CDC5L: variants seen among roughly 807,000 people sequenced by gnomAD.
CDC5L encodes the protein cell division cycle 5 like.
Under a neutral mutation model 104.1 loss-of-function variants are expected in CDC5L, and 18 were observed. The ratio of observed to expected loss-of-function variants is 0.17; its 90% CI spans 0.12 to 0.26. CDC5L has a LOEUF of 0.26. Among genes scored for constraint, CDC5L ranks in the 10% least tolerant of loss-of-function variants. The pLI is 1.00. For missense variants in CDC5L, 673 were observed against 956.9 expected (o/e 0.70, Z 3.91); for synonymous variants, 331 against 322.7 (o/e 1.03, Z -0.28).
intron 15 of CDC5L, 139 bp downstream of exon 15, chr6:44,446,006 G>A (rs1793435661): frequency 7.4e-6 from 5 of 676,960 alleles, no homozygotes. Flanking sequence ...TAAAGTGTTT[G>A]ACTTTCTAAT....
At chr6:44,423,003 C>T (rs556824958) in intron 10 of CDC5L, among the ~76,000 whole-genome samples, 194 bp downstream of exon 10, 2 of 152,210 alleles carry the variant, frequency 1.3e-5, no homozygotes, top group African/African-American at 2.4e-5. Flanking sequence ...TTTCTTTATG[C>T]TTACTAGGTT....
At chr6:44,420,713 C>T (rs902530031) in intron 9 of CDC5L, among the ~76,000 whole-genome samples, 1 of 152,152 alleles carries the variant, frequency 6.6e-6, no homozygotes, top group African/African-American at 2.4e-5. Context: ...CTCATTGAAA[C>T]GTTTCAGATT....
intron 10 of CDC5L, among the ~76,000 whole-genome samples, chr6:44,423,431 AT>A (rs1485909585): frequency 4.6e-5 from 7 of 152,212 alleles, no homozygotes; most frequent in African/African-American, 1.4e-4. Context: ...TTCTGGGGAG[AT>A]TGACAGTACT....
chr6:44,387,964 TG>T, intron 1 of CDC5L, 96 bp downstream of exon 1: 1 of 1,161,266 alleles, frequency 8.6e-7, no homozygotes. Context: ...GGAGACCCTG[TG>T]GGGTCTGCGT....
chr6:44,409,778 T>G (rs1791545767), intron 8 of CDC5L, among the ~76,000 whole-genome samples: 2 of 152,208 alleles, frequency 1.3e-5, no homozygotes, highest in Admixed American at 6.5e-5. Flanking sequence ...TAGCTTGTTC[T>G]TTTGATTTCC....
chr6:44,399,695 C>A (rs552860292), intron 5 of CDC5L, among the ~76,000 whole-genome samples: 1 of 152,308 alleles, frequency 6.6e-6, no homozygotes. Context: ...TGCTCTGTTG[C>A]CAGGCTGGAG....
intron 7 of CDC5L, 85 bp downstream of exon 7, chr6:44,406,552 C>A: frequency 1.7e-6 from 2 of 1,199,210 alleles, no homozygotes; most frequent in Non-Finnish European, 2.4e-6. Flanking sequence ...GCCTGTGTAC[C>A]AGGTTTGTGC....
chr6:44,414,382 C>CTGTGTGTGTGTG (rs58800666), intron 8 of CDC5L, among the ~76,000 whole-genome samples: 3 of 130,034 alleles, frequency 2.3e-5, no homozygotes, highest in East Asian at 4.6e-4. Flanking sequence ...CTGGCCTGGC[C>CTGTGTGTGTGTG]TGTGTGTGTG....
intron 14 of CDC5L, among the ~76,000 whole-genome samples, chr6:44,444,699 G>T (rs530896684): frequency 2.0e-4 from 30 of 152,242 alleles, no homozygotes; most frequent in South Asian, 8.3e-4. Flanking sequence ...GAAAGTATTT[G>T]CACACCTGTT....
At chr6:44,404,951 C>T (rs1286846260) in intron 6 of CDC5L, among the ~76,000 whole-genome samples, 1 of 152,192 alleles carries the variant, frequency 6.6e-6, no homozygotes, top group East Asian at 1.9e-4. Flanking sequence ...TTGCGTCCCT[C>T]ACAAAGTGTT....
At chr6:44,438,017 A>C (rs1793013302) in intron 14 of CDC5L, among the ~76,000 whole-genome samples, 1 of 152,158 alleles carries the variant, frequency 6.6e-6, no homozygotes, top group African/African-American at 2.4e-5. Flanking sequence ...TGGCGCGATC[A>C]TGGCTCACTG....
At chr6:44,419,094 A>G (rs1358571331) in intron 8 of CDC5L, among the ~76,000 whole-genome samples, 1 of 151,984 alleles carries the variant, frequency 6.6e-6, no homozygotes, top group Non-Finnish European at 1.5e-5. Flanking sequence ...CCTGAATGGT[A>G]TTGCCTAGGT....
At chr6:44,441,580 G>C (rs1793191512) in intron 14 of CDC5L, among the ~76,000 whole-genome samples, 3 of 152,188 alleles carry the variant, frequency 2.0e-5, no homozygotes, top group Admixed American at 6.5e-5. Flanking sequence ...ACCACCAACA[G>C]TGAACAGGGG....
intron 4 of CDC5L, among the ~76,000 whole-genome samples, 200 bp from the exon 5 acceptor site, chr6:44,396,141 G>A (rs1296065840): frequency 1.3e-5 from 2 of 152,198 alleles, no homozygotes; most frequent in Non-Finnish European, 2.9e-5. Context: ...AGGTCACATA[G>A]CTAGCAAGTG....
chr6:44,443,733 C>G (rs1443799528), intron 14 of CDC5L, among the ~76,000 whole-genome samples: 1 of 151,430 alleles, frequency 6.6e-6, no homozygotes, highest in Non-Finnish European at 1.5e-5. Flanking sequence ...TTAGTTTGTT[C>G]TTGCATTGCT....
intron 8 of CDC5L, among the ~76,000 whole-genome samples, chr6:44,412,694 T>C (rs1377479402): frequency 2.6e-5 from 4 of 152,002 alleles, no homozygotes; most frequent in Non-Finnish European, 5.9e-5. Flanking sequence ...ACAGTTTTAT[T>C]GAGATACCAT....
Position 44,414,545 on chromosome 6 carries a change from G to C in CDC5L, c.1093-4904G>C, listed in dbSNP as rs566452298. ...AGAGACAGGGTCTTGCTGGTGTTAC[G>C]TAGGCTGGTTTTGAACTCCTGGCTT... is the stretch of plus-strand genomic sequence containing the variant. On this transcript the variant is annotated intron_variant, in intron 8 of 15. Transcript: ENST00000371477. 7.8e-3 allele frequency among the ~76,000 whole-genome samples: 1,158 copies of C among 149,320 alleles called. 8 individuals carry two copies. The highest frequency in any genetic ancestry group is 0.013 in the Non-Finnish European group (847 of 67,482).
intron 8 of CDC5L, among the ~76,000 whole-genome samples, chr6:44,413,286 C>T (rs948373608): frequency 2.6e-5 from 4 of 152,086 alleles, no homozygotes; most frequent in Admixed American, 1.3e-4. Flanking sequence ...TGCATTATAT[C>T]GTCAAGGTTC....
In CDC5L at chr6:44,406,437, G is replaced by A. The variant is rs758783484; in HGVS notation, c.873G>A (p.Lys291=). The A allele has an allele frequency of 6.2e-7, 1 of 1,610,732 alleles. No homozygotes were observed. Among genetic ancestry groups the A allele is most frequent in the East Asian group, 2.2e-5 (1 of 44,848 alleles). The change falls in exon 7 of 16, where the codon AAG becomes AAA. Residue 291 remains lysine (K), a synonymous_variant. Transcript: ENST00000371477. ...GTGGTGTTTCTGAATTTACTAAAAA[G>A]AGAAGCAAACTAGTACTTCCTGCCC... ...QTSGVSEFTK[K]RSKLVLPAPQ...
Sources: gnomAD v4.1 joint callset for allele counts (sites outside exome capture counted in the v4.1 genomes callset) on GRCh38, gnomAD v4.1.1 for gene constraint, MANE v1.5 for transcripts, NCBI Gene and HGNC (gene_info 2026-07-23, HGNC 2026-07-21) for gene names.